The following PLOD2 variants were observed in gnomAD, a reference collection of about 807,000 sequenced individuals.
The protein encoded by PLOD2 is lysine hydroxylase 2.
Under a neutral mutation model 101.0 loss-of-function variants are expected in PLOD2, and 65 were observed. The ratio of observed to expected loss-of-function variants is 0.64; its 90% CI spans 0.53 to 0.79. PLOD2 has a LOEUF of 0.79. Ranked by LOEUF, PLOD2 falls within the 30% of genes least tolerant of loss-of-function variation. The probability of loss-of-function intolerance (pLI) is 0.00; values close to 1 mark genes in which losing one functional copy is unlikely to be tolerated. For missense variants in PLOD2, 909 were observed against 914.6 expected, an observed-to-expected ratio of 0.99 and a Z score of 0.08; for synonymous variants, 314 against 302.9, an observed-to-expected ratio of 1.04 and a Z score of -0.38.
chr3:146,110,428 C>A lies in PLOD2; in HGVS notation c.359G>T (p.Gly120Val). The change falls in exon 4 of 20, where the codon GGT becomes GTT. Residue 120 changes from glycine (G) to valine (V), a missense_variant. Gly to Val is a moderately radical substitution (Grantham distance 109). Coordinates refer to ENST00000282903, the MANE Select transcript of PLOD2 (RefSeq NM_182943.3). The part of the protein sequence containing the change: ...FTECFDVIFA[G>V]GPEEVLKKFQ... Reference sequence around the variant, plus strand: ...TTTTTTTAGAACTTCTTCTGGACCACCAGCAAATATGACATCAAAGCTGTT... The same window carrying A: ...TTTTTTTAGAACTTCTTCTGGACCAACAGCAAATATGACATCAAAGCTGTT... The A allele has an allele frequency of 6.2e-7, 1 of 1,612,862 alleles. No individual in the cohort carries two copies. Among genetic ancestry groups the A allele is most frequent in the South Asian group, 1.1e-5 (1 of 91,014 alleles).
At chr3:146,081,649 G>A (rs1936543307) in intron 12 of PLOD2, 89 bp downstream of exon 12, 1 of 1,100,954 alleles carries the variant, frequency 9.1e-7, no homozygotes, top group Admixed American at 1.8e-5. Flanking sequence ...GAAAAGAGAT[G>A]AATGCAAAAA....
At chr3:146,080,592 C>T (rs896565327) in intron 12 of PLOD2, among the ~76,000 whole-genome samples, 10 of 152,024 alleles carry the variant, frequency 6.6e-5, no homozygotes. Flanking sequence ...TCAAAAGCTT[C>T]TGCCATATTT....
At chr3:146,085,779 C>T (rs1054892954) in intron 10 of PLOD2, 1 of 155,816 alleles carries the variant, frequency 6.4e-6, no homozygotes, top group African/African-American at 2.4e-5. Context: ...CAGTTTGTAA[C>T]ATTATCATCA....
Position 146,071,343 on chromosome 3 carries a change from C to T in PLOD2, c.1929G>A (p.Trp643Ter). The T allele has an allele frequency of 6.2e-7, 1 of 1,612,208 alleles. No individual in the cohort carries two copies. The highest frequency in any genetic ancestry group is 8.5e-7 in the Non-Finnish European group (1 of 1,178,782). ...HMKQVDLENV[W>*]LHFIREFIAP... ...CAATGAACTCCCGGATAAAATGAAG[C>T]CATACATTCTCCAGATCAACTTGCT... is the stretch of plus-strand genomic sequence containing the variant. The change falls in exon 18 of 20, where the codon TGG becomes TGA. Residue 643 changes from tryptophan to a stop codon, truncating the protein, a stop_gained. Coordinates refer to ENST00000282903, the MANE Select transcript of PLOD2 (RefSeq NM_182943.3). LOFTEE classifies it high-confidence loss of function.
chr3:146,107,563 A>G (rs369484234), intron 4 of PLOD2, among the ~76,000 whole-genome samples: 130 of 152,032 alleles, frequency 8.6e-4, no homozygotes, highest in African/African-American at 3.0e-3. Context: ...AAAAAGAAAA[A>G]ATGAAAACAT....
At chr3:146,074,126 A>G (rs1936246617) in intron 15 of PLOD2, among the ~76,000 whole-genome samples, 1 of 151,526 alleles carries the variant, frequency 6.6e-6, no homozygotes, top group South Asian at 2.1e-4. Flanking sequence ...ACACACAAAG[A>G]TATCTCAACT....
At chr3:146,083,861 G>A (rs1205508789) in intron 11 of PLOD2, among the ~76,000 whole-genome samples, 3 of 151,784 alleles carry the variant, frequency 2.0e-5, no homozygotes, top group African/African-American at 4.8e-5. Flanking sequence ...GATTACAGGC[G>A]TGAGCCACCA....
chr3:146,102,853 C>T lies in PLOD2; in HGVS notation c.680-1G>A. The T allele has an allele frequency of 6.6e-7, 1 of 1,521,634 alleles. No homozygotes were observed. 94.3% of individuals were successfully genotyped at this position (1,521,634 alleles called of 1,614,324 possible). A position where few individuals can be genotyped will look rare whatever the true frequency, so the allele number is the denominator to read the frequency against. On this transcript the variant is annotated splice_acceptor_variant, in intron 6 of 19. Transcript: ENST00000282903. LOFTEE classifies it high-confidence loss of function. Reference sequence around the variant, plus strand: ...TTTTCAAATTTTAAAACAACTTCATCTGGGTTAAAAAGAGAAAATAGGCTT... The same window carrying T: ...TTTTCAAATTTTAAAACAACTTCATTTGGGTTAAAAAGAGAAAATAGGCTT...
intron 3 of PLOD2, among the ~76,000 whole-genome samples, chr3:146,118,932 AG>A (rs1288162618): frequency 6.6e-6 from 1 of 152,164 alleles, no homozygotes; most frequent in Non-Finnish European, 1.5e-5. Flanking sequence ...CAAAAACGTT[AG>A]CTCTTGCCAT....
At chr3:146,096,979 C>T (rs1215232339) in intron 7 of PLOD2, among the ~76,000 whole-genome samples, 1 of 143,600 alleles carries the variant, frequency 7.0e-6, no homozygotes, top group Non-Finnish European at 1.5e-5. Flanking sequence ...CCCGGCCAGC[C>T]GCCCCGGCCG....
intron 1 of PLOD2, among the ~76,000 whole-genome samples, chr3:146,142,834 T>C (rs2031586923): frequency 6.6e-6 from 1 of 152,128 alleles, no homozygotes; most frequent in South Asian, 2.1e-4. Context: ...CAATCTCTTG[T>C]CAAACCAAAT....
At chr3:146,082,649 T>G (rs1576578125) in intron 11 of PLOD2, among the ~76,000 whole-genome samples, 1 of 152,210 alleles carries the variant, frequency 6.6e-6, no homozygotes, top group East Asian at 1.9e-4. Context: ...TCCCAGCACT[T>G]TGGGAAGCCG....
chr3:146,103,322 G>T (rs968030504), intron 6 of PLOD2, among the ~76,000 whole-genome samples: 11 of 152,068 alleles, frequency 7.2e-5, no homozygotes, highest in African/African-American at 2.7e-4. Context: ...TCTACAATTG[G>T]CTACCAATGA....
intron 1 of PLOD2, among the ~76,000 whole-genome samples, chr3:146,129,057 A>G (rs575228903): frequency 1.3e-5 from 2 of 152,064 alleles, no homozygotes; most frequent in Non-Finnish European, 2.9e-5. Flanking sequence ...CAATAAAAAA[A>G]AATTATTGTG....
intron 3 of PLOD2, among the ~76,000 whole-genome samples, chr3:146,117,104 C>T (rs979915794): frequency 9.2e-5 from 14 of 152,080 alleles, no homozygotes; most frequent in African/African-American, 3.4e-4. Context: ...TTTACACTTA[C>T]AAATGTTTAT....
chr3:146,108,322 A>G (rs912619225), intron 4 of PLOD2, among the ~76,000 whole-genome samples: 1 of 152,002 alleles, frequency 6.6e-6, no homozygotes, highest in African/African-American at 2.4e-5. Context: ...CTAGGACCAC[A>G]GCCATGTGCC....
chr3:146,151,757 G>A (rs2032066419), intron 1 of PLOD2, among the ~76,000 whole-genome samples: 1 of 151,660 alleles, frequency 6.6e-6, no homozygotes, highest in Non-Finnish European at 1.5e-5. Flanking sequence ...TACAGAACAG[G>A]AACTGAGCCT....
chr3:146,159,247 G>A (rs2032450706), intron 1 of PLOD2, among the ~76,000 whole-genome samples: 1 of 152,192 alleles, frequency 6.6e-6, no homozygotes, highest in Admixed American at 6.5e-5. Context: ...GTCGTTTCCT[G>A]AGGAAACTTT....
chr3:146,147,711 G>A (rs1401816675), intron 1 of PLOD2, among the ~76,000 whole-genome samples: 8 of 152,262 alleles, frequency 5.3e-5, no homozygotes, highest in South Asian at 4.1e-4. Flanking sequence ...CATAGCATGC[G>A]AAGAGTCACT....
Sources: gnomAD v4.1 joint callset for allele counts (sites outside exome capture counted in the v4.1 genomes callset) on GRCh38, gnomAD v4.1.1 for gene constraint, MANE v1.5 for transcripts, NCBI Gene and HGNC (gene_info 2026-07-23, HGNC 2026-07-21) for gene names.